The following FUS variants were observed in gnomAD, a reference collection of about 807,000 sequenced individuals.
FUS encodes FUS RNA binding protein.
A neutral mutation model predicts 82.7 loss-of-function variants in FUS; 5 were observed. The observed-to-expected ratio is 0.06, with a 90% confidence interval of 0.03 to 0.13. The LOEUF is 0.13. Among genes scored for constraint, FUS ranks in the 10% least tolerant of loss-of-function variants. FUS has a pLI of 1.00. For synonymous variants in FUS, 281 were observed against 247.4 expected, an observed-to-expected ratio of 1.14 and a Z score of -1.27; for missense variants, 512 against 707.8, an observed-to-expected ratio of 0.72 and a Z score of 3.14.
downstream of FUS, chr16:31,192,242 C>T (rs1358169695): frequency 1.9e-6 from 1 of 526,234 alleles, no homozygotes; most frequent in Admixed American, 2.2e-5. Context: ...TAGGCTTGAT[C>T]CCTTTTTGAT....
intron 2 of FUS, 26 bp from the exon 3 acceptor site, chr16:31,182,485 TGA>T (rs776340878): frequency 3.7e-6 from 6 of 1,614,106 alleles, no homozygotes; most frequent in Non-Finnish European, 5.1e-6. Context: ...CCATGTTTTC[TGA>T]TCACGCTGGT....
chr16:31,190,882 A>G, intron 13 of FUS, 40 bp downstream of exon 13: 2 of 1,613,174 alleles, frequency 1.2e-6, no homozygotes, highest in Non-Finnish European at 1.7e-6. Context: ...CTGGGACCAA[A>G]GAATCCTTAA....
Position 31,180,174 on chromosome 16 carries a change from G to C in FUS, c.-41G>C, listed in dbSNP as rs775582019. On this transcript the variant is annotated 5_prime_UTR_variant, in exon 1 of 15. Transcript: ENST00000254108. The stretch of plus-strand genomic sequence containing the variant: ...CCAGGCGTCGGTACTCAGCGGTGTT[G>C]GAACTTCGTTGCTTGCTTGCCTGTG... 3 of 1,606,524 alleles carry C rather than the reference G, an allele frequency of 1.9e-6. No homozygotes were observed. The highest frequency in any genetic ancestry group is 1.7e-6 in the Non-Finnish European group (2 of 1,176,456).
Position 31,185,104 on chromosome 16 carries a change from G to C in FUS, c.689G>C (p.Gly230Ala). The C allele has an allele frequency of 6.2e-7, 1 of 1,608,442 alleles. No individual in the cohort carries two copies. Among genetic ancestry groups the C allele is most frequent in the Non-Finnish European group, 8.5e-7 (1 of 1,177,650 alleles). ...GGTGGCGGCGGCGGCGGCGGCGGTG[G>C]TGGTTACAACCGCAGCAGTGGTGGC... ...GSGGGGGGGG[G>A]GYNRSSGGYE... Residue 230 changes from glycine to alanine, a missense_variant, in exon 6 of 15, where the codon GGT (glycine) becomes GCT (alanine). Around this residue, in one of 6 missense-constraint regions of FUS, gnomAD observed 276 missense variants for 303.3 expected, o/e 0.91. Transcript: ENST00000254108.
downstream of FUS, chr16:31,191,664 T>C (rs1021346888): frequency 1.4e-6 from 1 of 699,260 alleles, no homozygotes; most frequent in Non-Finnish European, 2.6e-6. Flanking sequence ...ATCAGGAAGG[T>C]AGAGAGTTTT....
intron 7 of FUS, 200 bp from the exon 8 acceptor site, chr16:31,188,125 A>AGG: frequency 1.6e-6 from 1 of 613,210 alleles, no homozygotes; most frequent in Non-Finnish European, 2.9e-6. Flanking sequence ...ACAGATCTTA[A>AGG]GGGGCCTGCC....
intron 8 of FUS, chr16:31,188,611 C>A: frequency 1.7e-6 from 1 of 582,148 alleles, no homozygotes; most frequent in Non-Finnish European, 3.0e-6. Context: ...AACAAGTCCC[C>A]AGTGATGCTG....
rs770226394 is a variant in FUS, at chr16:31,180,156, T to C, written c.-59T>C. 15 of 1,595,246 alleles carry C rather than the reference T, an allele frequency of 9.4e-6. No homozygotes were observed. The South Asian group carries it at 1.5e-4, about 16-fold the overall frequency. ...GCGGGGCTGCTCAGTCCTCCAGGCG[T>C]CGGTACTCAGCGGTGTTGGAACTTC... On this transcript the variant is annotated 5_prime_UTR_variant, in exon 1 of 15. Coordinates refer to ENST00000254108, the MANE Select transcript of FUS (RefSeq NM_004960.4).
intron 1 of FUS, among the ~76,000 whole-genome samples, chr16:31,180,650 A>C (rs545353311): frequency 1.3e-4 from 20 of 152,062 alleles, no homozygotes; most frequent in African/African-American, 4.6e-4. Context: ...CGGCGCGGGT[A>C]CCCCTTCCCC....
chr16:31,180,129 A>G (rs377110060), upstream of FUS: 25 of 1,557,130 alleles, frequency 1.6e-5, no homozygotes, highest in African/African-American at 2.6e-4. Flanking sequence ...TCGACGCAGG[A>G]GGCGGGGCTG....
In FUS at chr16:31,184,168, A is replaced by G. The variant is rs754958430; in HGVS notation, c.336-41A>G. The G allele has an allele frequency of 9.9e-6, 16 of 1,614,036 alleles. No homozygotes were observed. The South Asian group carries it at 1.2e-4, about 12-fold the overall frequency. On this transcript the variant is annotated intron_variant, in intron 4 of 14. Transcript: ENST00000254108. ...TAAAAGTGAAAGGAAATTGGGGGCT[A>G]TGCTGGGATTGTGATTGTGTTTTTT...
At chr16:31,186,905 G>A (rs1430338467) in intron 7 of FUS, 69 bp downstream of exon 7, 1 of 1,412,998 alleles carries the variant, frequency 7.1e-7, no homozygotes, top group African/African-American at 1.4e-5. Flanking sequence ...ATTTGCAGAT[G>A]TCTTAGCGTG....
Position 31,187,637 on chromosome 16 carries a change from G to A in FUS, c.800-688G>A, listed in dbSNP as rs1317830585. The A allele has an allele frequency of 6.9e-5, 16 of 232,316 alleles. No homozygotes were observed. In the East Asian group the frequency reaches 9.8e-4, roughly 14 times the overall value. The allele number at this position is 232,316 out of a possible 1,614,324, so 14.4% of individuals were successfully genotyped here. ...GCCAAAGGTGTGGGTTCATGACTTA[G>A]GTGTCATTGCGTGTGGGTACAATAT... is the stretch of plus-strand genomic sequence containing the variant. On this transcript the variant is annotated intron_variant, in intron 7 of 14. Transcript: ENST00000254108.
intron 12 of FUS, 74 bp downstream of exon 12, chr16:31,190,472 C>A: frequency 3.7e-6 from 6 of 1,601,004 alleles, no homozygotes; most frequent in Non-Finnish European, 2.6e-6. Flanking sequence ...GAGGTATGTG[C>A]GTGTTTTCCA....
At chr16:31,182,856 A>G in intron 3 of FUS, 192 bp downstream of exon 3, 1 of 652,306 alleles carries the variant, frequency 1.5e-6, no homozygotes, top group Non-Finnish European at 2.7e-6. Context: ...AGCTGGGATT[A>G]CAGGTACCTG....
downstream of FUS, chr16:31,194,462 T>A (rs1418820461): frequency 4.0e-6 from 2 of 503,086 alleles, no homozygotes; most frequent in East Asian, 4.4e-5. Context: ...ACTGGCTAAT[T>A]TTTTTTTGTA....
chr16:31,182,188 A>G, intron 1 of FUS: 1 of 609,338 alleles, frequency 1.6e-6, no homozygotes, highest in Non-Finnish European at 3.0e-6. Flanking sequence ...ATGGGGCTTC[A>G]CCATGTTGGT....
chr16:31,184,045 G>A, intron 4 of FUS, 43 bp downstream of exon 4: 1 of 1,613,430 alleles, frequency 6.2e-7, no homozygotes, highest in South Asian at 1.1e-5. Flanking sequence ...AAAGAGGGGT[G>A]AATTGATGAG....
downstream of FUS, chr16:31,191,969 A>G (rs751707926): frequency 5.6e-6 from 3 of 532,760 alleles, no homozygotes; most frequent in South Asian, 1.5e-5. Context: ...CAAACAAACT[A>G]CATTTAAATG....
Sources: gnomAD v4.1 joint callset for allele counts (sites outside exome capture counted in the v4.1 genomes callset) on GRCh38, gnomAD v4.1.1 for gene constraint, gnomAD v4.1.1 regional missense constraint, MANE v1.5 for transcripts, NCBI Gene and HGNC (gene_info 2026-07-23, HGNC 2026-07-21) for gene names.